Variants in SCG5 observed in about 807,000 individuals in gnomAD.
The protein encoded by SCG5 is secretogranin V.
In SCG5, 18 loss-of-function variants were observed where a neutral mutation model predicts 25.7. That is an observed-to-expected ratio of 0.70 (90% CI 0.48 to 1.04). The LOEUF (loss-of-function observed/expected upper bound fraction) is 1.04, where lower values mean the gene tolerates loss of function less well. Among genes scored for constraint, SCG5 ranks in the 50% least tolerant of loss-of-function variants. The pLI, the probability that SCG5 is intolerant of heterozygous loss-of-function variation, is 0.00. For missense variants in SCG5, 206 were observed against 259.8 expected (o/e 0.79, Z 1.42); for synonymous variants, 101 against 91.7 (o/e 1.10, Z -0.58).
At chr15:32,657,199 G>GTGTATATATATATATATA (rs2054131495) in intron 2 of SCG5, among the ~76,000 whole-genome samples, 1 of 6,698 alleles carries the variant, frequency 1.5e-4, no homozygotes, top group African/African-American at 5.1e-4. Context: ...TCATCCTCCT[G>GTGTATATATATATATATA]TATATATATA....
At chr15:32,665,045 A>G (rs1031852826) in intron 2 of SCG5, among the ~76,000 whole-genome samples, 9 of 152,200 alleles carry the variant, frequency 5.9e-5, no homozygotes, top group Non-Finnish European at 1.3e-4. Context: ...TGTTGAGATG[A>G]GTAAACCCTT....
chr15:32,643,612 C>T lies in SCG5; in HGVS notation c.20C>T (p.Ser7Phe), dbSNP rs201757263. The stretch of plus-strand genomic sequence containing the variant: ...TTGACAATGGTCTCCAGGATGGTCT[C>T]TACCATGCTATCTGGCCTACTGTTT... MVSRMV[S>F]TMLSGLLFWL... Residue 7 changes from serine to phenylalanine, a missense_variant, in exon 2 of 6, where the codon TCT becomes TTT. Transcript: ENST00000300175. 5.0e-5 allele frequency: 81 copies of T among 1,613,856 alleles called. No individual in the cohort carries two copies. Among genetic ancestry groups the T allele is most frequent in the Non-Finnish European group, 6.5e-5 (77 of 1,179,866 alleles).
At chr15:32,670,252 C>T (rs974177265) in intron 2 of SCG5, among the ~76,000 whole-genome samples, 3 of 152,258 alleles carry the variant, frequency 2.0e-5, no homozygotes, top group East Asian at 1.9e-4. Flanking sequence ...TAGATCTCTC[C>T]TACAAGGACA....
intron 2 of SCG5, among the ~76,000 whole-genome samples, chr15:32,663,747 A>G (rs765124175): frequency 3.3e-5 from 5 of 151,922 alleles, no homozygotes; most frequent in Non-Finnish European, 7.4e-5. Flanking sequence ...AAGCAGTGGG[A>G]CTCAAGTTTT....
At chr15:32,648,531 G>A (rs1053114779) in intron 2 of SCG5, among the ~76,000 whole-genome samples, 1 of 152,002 alleles carries the variant, frequency 6.6e-6, no homozygotes, top group Non-Finnish European at 1.5e-5. Flanking sequence ...TTCTTGCCAT[G>A]ACCTACGAGG....
At chr15:32,663,077 ATAAT>A (rs1317102859) in intron 2 of SCG5, among the ~76,000 whole-genome samples, 2 of 57,420 alleles carry the variant, frequency 3.5e-5, no homozygotes, top group African/African-American at 1.1e-4. Context: ...ATATATATAT[ATAAT>A]ATATAATATG....
At chr15:32,660,991 A>C (rs990307236) in intron 2 of SCG5, among the ~76,000 whole-genome samples, 3 of 152,262 alleles carry the variant, frequency 2.0e-5, no homozygotes, top group Non-Finnish European at 4.4e-5. Flanking sequence ...TATAACTCAC[A>C]AAAGGAAATA....
At chr15:32,669,084 G>A (rs979921617) in intron 2 of SCG5, 1 of 152,206 alleles carries the variant, frequency 6.6e-6, no homozygotes, top group Non-Finnish European at 1.5e-5. Flanking sequence ...ACTACTTTAA[G>A]AGAATTATCC....
intron 2 of SCG5, among the ~76,000 whole-genome samples, chr15:32,679,144 G>A (rs2054574088): frequency 6.6e-6 from 1 of 151,738 alleles, no homozygotes; most frequent in Non-Finnish European, 1.5e-5. Flanking sequence ...GCTTTTCCAA[G>A]AAGCCCTCCC....
chr15:32,667,125 ATTTC>A (rs766040881), intron 2 of SCG5, among the ~76,000 whole-genome samples: 30 of 147,514 alleles, frequency 2.0e-4, no homozygotes, highest in Admixed American at 1.3e-3. Flanking sequence ...TAATTTCACT[ATTTC>A]TTTTTACTTT....
intron 2 of SCG5, among the ~76,000 whole-genome samples, chr15:32,667,159 C>T (rs1470400115): frequency 6.6e-6 from 1 of 152,078 alleles, no homozygotes; most frequent in Non-Finnish European, 1.5e-5. Flanking sequence ...GAAGACTAGA[C>T]AATTTAAAAT....
intron 2 of SCG5, among the ~76,000 whole-genome samples, chr15:32,679,193 CT>C (rs55644629): frequency 0.6 from 88,439 of 148,378 alleles, 27,169 homozygotes; most frequent in Non-Finnish European, 0.69. Flanking sequence ...TTCCCATGCT[CT>C]TTTTTTTTTT....
At chr15:32,670,018 A>G (rs2054393135) in intron 2 of SCG5, among the ~76,000 whole-genome samples, 1 of 152,214 alleles carries the variant, frequency 6.6e-6, no homozygotes, top group Non-Finnish European at 1.5e-5. Context: ...AAAGCTACAA[A>G]TGCAGTGCAC....
intron 2 of SCG5, among the ~76,000 whole-genome samples, chr15:32,659,436 A>T (rs987657723): frequency 6.6e-6 from 1 of 152,156 alleles, no homozygotes; most frequent in Non-Finnish European, 1.5e-5. Flanking sequence ...GCAGGAGGAA[A>T]ACTTTCCTGC....
chr15:32,676,986 A>C (rs940033554), intron 2 of SCG5, among the ~76,000 whole-genome samples: 2 of 152,216 alleles, frequency 1.3e-5, no homozygotes, highest in African/African-American at 4.8e-5. Context: ...ATATGGATAT[A>C]AAAAGAATAT....
rs112729076 is a variant in SCG5 at position 32,648,399 on chromosome 15, G to A, written c.226+4581G>A. Among the ~76,000 whole-genome samples the A allele has an allele frequency of 1.7e-3, 255 of 152,136 alleles. 2 individuals are homozygous for A. The highest frequency in any genetic ancestry group is 6.0e-3 in the African/African-American group (248 of 41,490). On this transcript the variant is annotated intron_variant, in intron 2 of 5. Coordinates refer to ENST00000300175, the MANE Select transcript of SCG5 (RefSeq NM_001144757.3). ...ATCCCTTTTCGATTGTTCTTCACAG[G>A]AAGAACAGGAGTTAAACTTTTTTCA...
At chr15:32,649,795 A>G (rs970787136) in intron 2 of SCG5, among the ~76,000 whole-genome samples, 1 of 152,204 alleles carries the variant, frequency 6.6e-6, no homozygotes, top group Non-Finnish European at 1.5e-5. Flanking sequence ...ATGAAAAAAA[A>G]GAGTGTGTAT....
chr15:32,661,230 T>C (rs141084555), intron 2 of SCG5, among the ~76,000 whole-genome samples: 165 of 152,308 alleles, frequency 1.1e-3, no homozygotes, highest in Middle Eastern at 3.4e-3. Flanking sequence ...CTCGGTACCA[T>C]TTAGATGTGG....
chr15:32,679,690 T>G (rs1432707475), intron 2 of SCG5, 76 bp from the exon 3 acceptor site: 1 of 1,491,180 alleles, frequency 6.7e-7, no homozygotes, highest in Non-Finnish European at 9.3e-7. Flanking sequence ...GCTTTTCCTG[T>G]GTGATATGCC....
Sources: allele counts gnomAD v4.1 joint callset (sites outside exome capture counted in the v4.1 genomes callset), GRCh38; gene constraint gnomAD v4.1.1; transcripts MANE v1.5; gene names NCBI Gene and HGNC (gene_info 2026-07-23, HGNC 2026-07-21).